Variants in NRG1 observed in about 807,000 individuals in gnomAD.
NRG1 encodes the protein neuregulin 1.
NRG1 carries 18 observed loss-of-function variants against 63.8 expected under a neutral mutation model. The observed-to-expected ratio is 0.28, with a 90% confidence interval of 0.19 to 0.42. The LOEUF is 0.42. NRG1 is among the 10% of genes least tolerant of loss of function. The pLI is 1.00. For synonymous variants in NRG1, 302 were observed against 301.3 expected (o/e 1.00, Z -0.02); for missense variants, 762 against 814.7 (o/e 0.94, Z 0.79).
intron 1 of NRG1, among the ~76,000 whole-genome samples, chr8:31,668,678 T>C (rs1806800206): frequency 6.6e-6 from 1 of 152,216 alleles, no homozygotes; most frequent in African/African-American, 2.4e-5. Context: ...CCTAAAGTCC[T>C]TTTTATCTTT....
intron 5 of NRG1, among the ~76,000 whole-genome samples, chr8:32,715,556 C>A (rs1211582014): frequency 6.6e-6 from 1 of 152,048 alleles, no homozygotes; most frequent in Non-Finnish European, 1.5e-5. Flanking sequence ...CAAGAAAAGT[C>A]TCTCTTTCAA....
At chr8:32,487,163 AAT>A (rs1491058128) in intron 1 of NRG1, among the ~76,000 whole-genome samples, 2 of 151,544 alleles carry the variant, frequency 1.3e-5, no homozygotes, top group African/African-American at 2.4e-5. Flanking sequence ...AAAAAAAAAA[AAT>A]AACGTAAAAC....
rs886761064 is a variant in NRG1 at position 32,175,863 on chromosome 8, C to T, written c.38-419965C>T. Among the ~76,000 whole-genome samples the T allele has an allele frequency of 9.8e-5, 15 of 152,316 alleles. 1 individual carries two copies. Among genetic ancestry groups the T allele is most frequent in the Admixed American group, 2.6e-4 (4 of 15,300 alleles). ...CAAACAAATGGAAGAACATTCCATG[C>T]TTATGGGTAGAAAGAATCAATATTA... is the stretch of plus-strand genomic sequence containing the variant. On this transcript the variant is annotated intron_variant, in intron 1 of 10. Transcript: ENST00000519301.
At chr8:32,760,894 T>G in intron 11 of NRG1, 2 of 994,990 alleles carry the variant, frequency 2.0e-6, no homozygotes, top group African/African-American at 3.5e-5. Context: ...ATGTCATTGC[T>G]GAATGTCATG....
intron 1 of NRG1, among the ~76,000 whole-genome samples, chr8:31,916,359 C>A (rs1484627052): frequency 6.6e-6 from 1 of 152,098 alleles, no homozygotes; most frequent in Non-Finnish European, 1.5e-5. Context: ...TATCCCTCCC[C>A]CTACCCCACA....
intron 1 of NRG1, among the ~76,000 whole-genome samples, chr8:32,453,085 A>G (rs184874506): frequency 4.5e-4 from 68 of 152,280 alleles, no homozygotes; most frequent in African/African-American, 1.6e-3. Context: ...ACTTCCAGAC[A>G]TTTGGAACCA....
At chr8:32,226,430 T>G (rs751802121) in intron 1 of NRG1, among the ~76,000 whole-genome samples, 1 of 152,200 alleles carries the variant, frequency 6.6e-6, no homozygotes, top group Non-Finnish European at 1.5e-5. Flanking sequence ...ATTCTCAATT[T>G]GTACCTACTT....
At chr8:32,179,913 A>T (rs906020351) in intron 1 of NRG1, among the ~76,000 whole-genome samples, 1 of 152,082 alleles carries the variant, frequency 6.6e-6, no homozygotes, top group African/African-American at 2.4e-5. Flanking sequence ...AGGACTAAAC[A>T]CGAAGGTTTG....
intron 8 of NRG1, 119 bp downstream of exon 8, chr8:32,754,593 G>A (rs893875541): frequency 4.6e-6 from 4 of 860,272 alleles, no homozygotes; most frequent in South Asian, 4.6e-5. Context: ...AAAAGGAGGG[G>A]CAGGGGGAGA....
intron 1 of NRG1, among the ~76,000 whole-genome samples, chr8:31,682,027 C>T (rs1808390762): frequency 1.3e-5 from 2 of 152,060 alleles, no homozygotes; most frequent in African/African-American, 4.8e-5. Context: ...TTTTGACAAA[C>T]CTTTAATGAC....
chr8:32,717,307 T>C (rs1275821492), intron 5 of NRG1, among the ~76,000 whole-genome samples: 1 of 152,220 alleles, frequency 6.6e-6, no homozygotes, highest in Non-Finnish European at 1.5e-5. Context: ...TTTTTGAAAC[T>C]GGTTTTATTC....
In NRG1 at chr8:32,720,792, T is replaced by A. The variant is rs531046159; in HGVS notation, c.503-7157T>A. Reference sequence around the variant, plus strand: ...TGATTAGACTGTGCCATGAGTAAAATGCACTGTCTGAAAAAAACAGAAAAA... The same window carrying A: ...TGATTAGACTGTGCCATGAGTAAAAAGCACTGTCTGAAAAAAACAGAAAAA... On this transcript the variant is annotated intron_variant, in intron 5 of 11. Transcript: ENST00000356819. Among the ~76,000 whole-genome samples the A allele has an allele frequency of 5.6e-3, 858 of 152,122 alleles. 3 individuals are homozygous for A. Among genetic ancestry groups the A allele is most frequent in the Middle Eastern group, 0.041 (12 of 292 alleles).
chr8:31,652,710 AGCCCTATAACGGATT>A (rs1279221673), intron 1 of NRG1, among the ~76,000 whole-genome samples: 1 of 152,236 alleles, frequency 6.6e-6, no homozygotes, highest in Non-Finnish European at 1.5e-5. Context: ...AACACTGGAT[AGCCCTATAACGGATT>A]GTGCTATAGT....
At chr8:31,994,618 T>A (rs1370860306) in intron 1 of NRG1, among the ~76,000 whole-genome samples, 1 of 120,308 alleles carries the variant, frequency 8.3e-6, no homozygotes, top group Admixed American at 1.2e-4. Flanking sequence ...TGTGCCATTG[T>A]ACTCCAGCCT....
At chr8:32,615,126 T>G (rs1847115644) in intron 4 of NRG1, among the ~76,000 whole-genome samples, 1 of 152,178 alleles carries the variant, frequency 6.6e-6, no homozygotes, top group Non-Finnish European at 1.5e-5. Flanking sequence ...ACTTATAGTC[T>G]GAGCAGATAT....
rs140015103 is a variant in NRG1, at chr8:32,711,486, T to C, written c.503-16463T>C. Among the ~76,000 whole-genome samples, 950 of 152,248 alleles carry C rather than the reference T, an allele frequency of 6.2e-3. 19 individuals carry two copies. Among genetic ancestry groups the C allele is most frequent in the Non-Finnish European group, 9.5e-3 (649 of 68,006 alleles). ...ACTTTACAATGCCTAGCTAACATTA[T>C]CAATGCCAAACACCTACTGGTCGTG... On this transcript the variant is annotated intron_variant, in intron 5 of 11. Coordinates refer to ENST00000356819, the Ensembl canonical transcript of NRG1.
At chr8:32,281,034 C>T (rs998543239) in intron 1 of NRG1, among the ~76,000 whole-genome samples, 29 of 151,600 alleles carry the variant, frequency 1.9e-4, no homozygotes, top group African/African-American at 7.0e-4. Context: ...GCTGGGATTA[C>T]AGGCATGAGC....
intron 1 of NRG1, among the ~76,000 whole-genome samples, chr8:32,147,682 A>T (rs1378775504): frequency 3.9e-5 from 6 of 152,012 alleles, no homozygotes. Flanking sequence ...TAACTCTATC[A>T]CTGTCTTCTG....
rs561589572 is a variant in NRG1, at chr8:32,614,078, A to G, written c.401-436A>G. Among the ~76,000 whole-genome samples the G allele has an allele frequency of 2.0e-5, 3 of 152,180 alleles. No individual in the cohort carries two copies. The South Asian group carries it at 6.2e-4, about 32-fold the overall frequency. ...AACTTGATGTTTTTCACCAATCCTA[A>G]TTAGAAACATGGCTTACTTTTATTT... On this transcript the variant is annotated intron_variant, in intron 3 of 11. Coordinates refer to ENST00000356819, the Ensembl canonical transcript of NRG1.
Sources: allele counts gnomAD v4.1 joint callset (sites outside exome capture counted in the v4.1 genomes callset), GRCh38; gene constraint gnomAD v4.1.1; transcripts MANE v1.5; gene names NCBI Gene and HGNC (gene_info 2026-07-23, HGNC 2026-07-21).